Variants in CAD observed in about 807,000 individuals in gnomAD.
CAD encodes the protein carbamoyl-phosphate synthetase 2, aspartate transcarbamylase, and dihydroorotase, also known as multifunctional protein CAD.
A neutral mutation model predicts 237.2 loss-of-function variants in CAD; 81 were observed. The observed-to-expected ratio is 0.34, with a 90% confidence interval of 0.29 to 0.41. The LOEUF is 0.41. Ranked by LOEUF, CAD falls within the 10% of genes least tolerant of loss-of-function variation. The probability of loss-of-function intolerance (pLI) is 1.00; values close to 1 mark genes in which losing one functional copy is unlikely to be tolerated. For missense variants in CAD, 2,181 were observed against 2,951.7 expected (o/e 0.74, Z 6.05); for synonymous variants, 1,196 against 1,162.8 (o/e 1.03, Z -0.58).
chr2:27,235,363 C>T lies in CAD; in HGVS notation c.3905C>T (p.Ala1302Val). The T allele has an allele frequency of 6.2e-7, 1 of 1,613,970 alleles. No homozygotes were observed. The highest frequency in any genetic ancestry group is 8.5e-7 in the Non-Finnish European group (1 of 1,179,948). ...AGCCGCTGTGAGGCATACCTCAAGGCCATGCTAAGCACTGGCTTTAAGATC... is the reference window on the plus strand; with the variant it reads ...AGCCGCTGTGAGGCATACCTCAAGGTCATGCTAAGCACTGGCTTTAAGATC... The part of the protein sequence containing the change: ...GESRCEAYLK[A>V]MLSTGFKIPK... Residue 1302 changes from alanine to valine, a missense_variant, in exon 24 of 44, where the codon GCC (alanine) becomes GTC (valine). Around this residue, in one of 12 missense-constraint regions of CAD, gnomAD observed 306 missense variants for 607.9 expected, o/e 0.50. Coordinates refer to ENST00000264705, the MANE Select transcript of CAD (RefSeq NM_004341.5). The surrounding 1 kb of genome is among the most constrained non-coding windows in gnomAD (Gnocchi z 5.2).
At chr2:27,229,390 C>T (rs1022623085) in intron 15 of CAD, among the ~76,000 whole-genome samples, 1 of 151,982 alleles carries the variant, frequency 6.6e-6, no homozygotes. Context: ...CCCCATCCTT[C>T]TGAGGAGTGA....
chr2:27,234,801 TGGGGGTAATGA>T, intron 23 of CAD, 116 bp downstream of exon 23: 1 of 981,536 alleles, frequency 1.0e-6, no homozygotes, highest in East Asian at 2.6e-5. Flanking sequence ...TGCCGGATCG[TGGGGGTAATGA>T]GGTGGTCATT....
At chr2:27,231,037 G>A (rs189362083) in intron 15 of CAD, among the ~76,000 whole-genome samples, 5 of 152,300 alleles carry the variant, frequency 3.3e-5, no homozygotes, top group East Asian at 3.9e-4. Flanking sequence ...ACGGAGTCTC[G>A]CTTTGTTCCC....
chr2:27,222,488 A>C (rs1289962925), intron 4 of CAD, 31 bp from the exon 5 acceptor site: 1 of 1,609,548 alleles, frequency 6.2e-7, no homozygotes, highest in East Asian at 2.2e-5. Flanking sequence ...CACAGCTGCC[A>C]ACTGTTGCCC....
rs1210591016 is a variant in CAD at position 27,243,225 on chromosome 2, C to T, written c.6508C>T (p.His2170Tyr). 1 of 1,613,888 alleles carries T rather than the reference C, an allele frequency of 6.2e-7. No individual in the cohort carries two copies. Among genetic ancestry groups the T allele is most frequent in the African/African-American group, 1.3e-5 (1 of 74,858 alleles). ...ACFGQFILTP[H>Y]IMTRAKKKMV... is the part of the protein sequence containing the mutation. Reference sequence around the variant, plus strand: ...CTTTGGTCAGTTCATCCTCACTCCCCACATCATGACCCGGGCCAAGAAGAA... The same window carrying T: ...CTTTGGTCAGTTCATCCTCACTCCCTACATCATGACCCGGGCCAAGAAGAA... The change falls in exon 43 of 44, where the codon CAC becomes TAC. Residue 2170 changes from histidine to tyrosine, a missense_variant. Physicochemically the swap from His to Tyr is moderately conservative, Grantham distance 83. This residue lies in a region of CAD where 170 missense variants were observed against 212.1 expected (regional missense o/e 0.80). Coordinates refer to ENST00000264705, the MANE Select transcript of CAD (RefSeq NM_004341.5).
Position 27,225,248 on chromosome 2 carries a change from G to A in CAD, c.1620+5G>A. 6.4e-7 allele frequency: 1 copy of A among 1,568,794 alleles called. No homozygotes were observed. The highest frequency in any genetic ancestry group is 8.8e-7 in the Non-Finnish European group (1 of 1,139,884). On this transcript the variant is annotated splice_donor_5th_base_variant and intron_variant, in intron 11 of 43. Transcript: ENST00000264705. ...GCAGCAAATTCTCTTGAACAGGTTG[G>A]AGGGGTGTTTGGGTAAAGGAAGAAT...
Position 27,222,670 on chromosome 2 carries a change from T to C in CAD, c.637+10T>C, listed in dbSNP as rs1407639505. The C allele has an allele frequency of 1.9e-6, 3 of 1,610,914 alleles. No individual in the cohort carries two copies. Among genetic ancestry groups the C allele is most frequent in the Non-Finnish European group, 2.5e-6 (3 of 1,177,628 alleles). ...GCACTAGACAGCCAAGGTGAGTAGC[T>C]GGGGCCTGTTCAGGGCCTCAGACAA... On this transcript the variant is annotated intron_variant, in intron 5 of 43. Transcript: ENST00000264705.
intron 22 of CAD, 33 bp from the exon 23 acceptor site, chr2:27,234,485 T>G: frequency 6.2e-7 from 1 of 1,606,284 alleles, no homozygotes; most frequent in Non-Finnish European, 8.5e-7. Context: ...AAGGCCAACC[T>G]GCAGAAGGCC....
At position 27,225,744 on chromosome 2, in the gene CAD, G is replaced by C. The variant is rs375032522; in HGVS notation, c.1660G>C (p.Val554Leu). 35 of 1,614,212 alleles carry C rather than the reference G, an allele frequency of 2.2e-5. No individual in the cohort carries two copies. Among genetic ancestry groups the C allele is most frequent in the Non-Finnish European group, 3.0e-5 (35 of 1,180,042 alleles). The change falls in exon 12 of 44, where the codon GTG becomes CTG. Residue 554 changes from valine to leucine, a missense_variant. Physicochemically the swap from Val to Leu is conservative, Grantham distance 32. Coordinates refer to ENST00000264705, the MANE Select transcript of CAD (RefSeq NM_004341.5). ...TGAACGGCTGGGGTACCCTGTGCTA[G>C]TGCGTGCAGCCTTTGCCCTGGGTGG... ...AAERLGYPVL[V>L]RAAFALGGLG...
chr2:27,225,075 T>G lies in CAD; in HGVS notation c.1452T>G (p.Cys484Trp). ...LTFGGQTALN[C>W]GVELTKAGVL... ...TTGGGGGCCAGACTGCTCTGAACTGTGGTGTGGAGCTGACCAAGGCCGGGG... is the reference window on the plus strand; with the variant it reads ...TTGGGGGCCAGACTGCTCTGAACTGGGGTGTGGAGCTGACCAAGGCCGGGG... The change falls in exon 11 of 44, where the codon TGT (cysteine) becomes TGG (tryptophan). Residue 484 changes from cysteine to tryptophan, a missense_variant. Transcript: ENST00000264705. The G allele has an allele frequency of 1.2e-6, 2 of 1,614,106 alleles. No homozygotes were observed. Among genetic ancestry groups the G allele is most frequent in the Non-Finnish European group, 1.7e-6 (2 of 1,180,002 alleles).
chr2:27,225,754 C>G lies in CAD; in HGVS notation c.1670C>G (p.Ala557Gly). The G allele has an allele frequency of 6.2e-7, 1 of 1,614,204 alleles. No homozygotes were observed. ...RLGYPVLVRA[A>G]FALGGLGSGF... ...GGGTACCCTGTGCTAGTGCGTGCAG[C>G]CTTTGCCCTGGGTGGCCTGGGCTCT... Residue 557 changes from alanine to glycine, a missense_variant, in exon 12 of 44, where the codon GCC becomes GGC. Physicochemically the swap from Ala to Gly is moderately conservative, Grantham distance 60 (BLOSUM62 0). Transcript: ENST00000264705.
chr2:27,240,663 C>A lies in CAD; in HGVS notation c.5594-248C>A. 1 of 1,532,090 alleles carries A rather than the reference C, an allele frequency of 6.5e-7. No homozygotes were observed. Among genetic ancestry groups the A allele is most frequent in the South Asian group, 1.2e-5 (1 of 82,522 alleles). 94.9% of individuals were successfully genotyped at this position (1,532,090 alleles called of 1,614,324 possible). On this transcript the variant is annotated intron_variant, in intron 35 of 43. Transcript: ENST00000264705. This position sits in a 1 kb window ranked among gnomAD's most constrained non-coding sequence, Gnocchi z 4.6. ...GGTGTGAGTCTGGCCGTTCCTCTTGCCTAGGATGCCTTTGCCAACTGGGAG... is the reference window on the plus strand; with the variant it reads ...GGTGTGAGTCTGGCCGTTCCTCTTGACTAGGATGCCTTTGCCAACTGGGAG...
At chr2:27,229,590 G>A (rs371745270) in intron 15 of CAD, among the ~76,000 whole-genome samples, 4 of 152,038 alleles carry the variant, frequency 2.6e-5, no homozygotes, top group African/African-American at 9.7e-5. Flanking sequence ...ACTTAAAAGC[G>A]AAATGGGCCG....
intron 15 of CAD, among the ~76,000 whole-genome samples, chr2:27,227,920 A>G (rs1675518771): frequency 6.6e-6 from 1 of 152,194 alleles, no homozygotes; most frequent in African/African-American, 2.4e-5. Flanking sequence ...CGACTGCATA[A>G]TTCAGCCGTG....
chr2:27,233,808 G>A lies in CAD; in HGVS notation c.3399G>A (p.Lys1133=). The change falls in exon 21 of 44, where the codon AAG becomes AAA. Residue 1133 remains lysine (K), a splice_region_variant and synonymous_variant. Coordinates refer to ENST00000264705, the MANE Select transcript of CAD (RefSeq NM_004341.5). The surrounding 1 kb of genome is among the most constrained non-coding windows in gnomAD (Gnocchi z 6.3). Reference sequence around the variant, plus strand: ...TCTCCAAGTTCATCCAGGAGGCTAAGGTGGGAGGCTGCAGACAGTGAAGTC... The same window carrying A: ...TCTCCAAGTTCATCCAGGAGGCTAAAGTGGGAGGCTGCAGACAGTGAAGTC... The part of the protein sequence containing the change: ...VVISKFIQEA[K]EIDVDAVASD... 1.2e-6 allele frequency: 2 copies of A among 1,613,614 alleles called. No individual in the cohort carries two copies. Among genetic ancestry groups the A allele is most frequent in the Non-Finnish European group, 1.7e-6 (2 of 1,179,988 alleles).
Position 27,225,257 on chromosome 2 carries a change from T to C in CAD, c.1620+14T>C. Reference sequence around the variant, plus strand: ...TCTCTTGAACAGGTTGGAGGGGTGTTTGGGTAAAGGAAGAATGGTGGTGTT... The same window carrying C: ...TCTCTTGAACAGGTTGGAGGGGTGTCTGGGTAAAGGAAGAATGGTGGTGTT... On this transcript the variant is annotated intron_variant, in intron 11 of 43. Transcript: ENST00000264705. 6.6e-7 allele frequency: 1 copy of C among 1,515,776 alleles called. No homozygotes were observed. 93.9% of individuals were successfully genotyped at this position (1,515,776 alleles called of 1,614,324 possible).
rs758311207 is a variant in CAD at position 27,226,814 on chromosome 2, C to T, written c.2157-18C>T. 6.2e-7 allele frequency: 1 copy of T among 1,613,742 alleles called. No individual in the cohort carries two copies. Among genetic ancestry groups the T allele is most frequent in the Non-Finnish European group, 8.5e-7 (1 of 1,179,754 alleles). ...CTTCCTTCACTGTCCTTCTGGCATC[C>T]CACCTGCTGGACCCCAGGAACTCTG... On this transcript the variant is annotated intron_variant, in intron 14 of 43. Transcript: ENST00000264705.
chr2:27,235,547 G>T lies in CAD; in HGVS notation c.3981G>T (p.Glu1327Asp), dbSNP rs1675959245. 6.2e-7 allele frequency: 1 copy of T among 1,614,130 alleles called. No homozygotes were observed. ...CTGTTTGGTTTCAGAACAAAAGCGA[G>T]CTGCTCCCAACTGTGCGGCTACTGG... ...LTIGSYKNKS[E>D]LLPTVRLLES... Residue 1327 changes from glutamate (E) to aspartate (D), a missense_variant, in exon 25 of 44, where the codon GAG becomes GAT. Physicochemically the swap from Glu to Asp is conservative, Grantham distance 45. This residue lies in a region of CAD where 306 missense variants were observed against 607.9 expected (regional missense o/e 0.50). Transcript: ENST00000264705. The surrounding 1 kb of genome is among the most constrained non-coding windows in gnomAD (Gnocchi z 5.2).
At chr2:27,234,977 G>A (rs1675933630) in intron 23 of CAD, among the ~76,000 whole-genome samples, 1 of 152,208 alleles carries the variant, frequency 6.6e-6, no homozygotes, top group African/African-American at 2.4e-5. Context: ...GCTTCCAAAA[G>A]GGGTGATCTG....
Sources: allele counts gnomAD v4.1 joint callset (sites outside exome capture counted in the v4.1 genomes callset), GRCh38; gene constraint gnomAD v4.1.1; regional missense constraint gnomAD v4.1.1; non-coding constraint Gnocchi (gnomAD v3.1); transcripts MANE v1.5; gene names NCBI Gene and HGNC (gene_info 2026-07-23, HGNC 2026-07-21).